INCA1: variants seen among roughly 807,000 people sequenced by gnomAD.
INCA1 encodes the protein inhibitor of CDK, cyclin A1 interacting protein 1, also known as protein INCA1.
A neutral mutation model predicts 25.7 loss-of-function variants in INCA1; 28 were observed. The ratio of observed to expected loss-of-function variants is 1.09; its 90% CI spans 0.81 to 1.49. The LOEUF (loss-of-function observed/expected upper bound fraction) is 1.49. INCA1 is among the 40% of genes most tolerant of loss of function. The pLI is 0.00. For synonymous variants in INCA1, 111 were observed against 103.6 expected, an observed-to-expected ratio of 1.07 and a Z score of -0.43; for missense variants, 309 against 290.9, an observed-to-expected ratio of 1.06 and a Z score of -0.45.
rs369673943 is a variant in INCA1, at chr17:4,988,438, G to A, written c.678C>T (p.Pro226=). The change falls in exon 7 of 7, where the codon CCC becomes CCT. Residue 226 remains proline, a synonymous_variant. Coordinates refer to ENST00000576820, the Ensembl canonical transcript of INCA1. Reference sequence around the variant, plus strand: ...CAGACGCTGCCAACTCCATCCCCCAGGGATTGTGAAGGGGGTTCCTTCTGG... The same window carrying A: ...CAGACGCTGCCAACTCCATCCCCCAAGGATTGTGAAGGGGGTTCCTTCTGG... 6 of 1,612,400 alleles carry A rather than the reference G, an allele frequency of 3.7e-6. No homozygotes were observed. The African/African-American group carries it at 4.0e-5, about 11-fold the overall frequency.
intron 1 of INCA1, among the ~76,000 whole-genome samples, chr17:4,995,452 T>C (rs1046604304): frequency 6.6e-6 from 1 of 151,942 alleles, no homozygotes; most frequent in Admixed American, 6.6e-5. Flanking sequence ...GTAAGAGAAG[T>C]GACAGAATTG....
chr17:4,996,654 A>ATG (rs1567714791), intron 1 of INCA1, among the ~76,000 whole-genome samples: 1 of 136,962 alleles, frequency 7.3e-6, no homozygotes, highest in Non-Finnish European at 1.6e-5. Context: ...GCAACAGAGC[A>ATG]AGACTCCGTC....
chr17:4,989,518 T>C, exon 5 of INCA1: 1 of 1,614,242 alleles, frequency 6.2e-7, no homozygotes, highest in Non-Finnish European at 8.5e-7. Flanking sequence ...GCCCTGCTGC[T>C]GCATTCCTTC....
intron 2 of INCA1, among the ~76,000 whole-genome samples, chr17:4,993,774 T>TA (rs1222310928): frequency 7.3e-6 from 1 of 137,890 alleles, no homozygotes. Context: ...GGCCTTTTTT[T>TA]TTTTTTTTTT....
chr17:4,988,382 C>T, exon 7 of INCA1: 1 of 1,578,966 alleles, frequency 6.3e-7, no homozygotes, highest in Non-Finnish European at 8.6e-7. Flanking sequence ...CACCACTAGC[C>T]TCTCGGCATC....
intron 5 of INCA1, 30 bp downstream of exon 5, chr17:4,989,398 T>C (rs1973664437): frequency 6.3e-7 from 1 of 1,592,074 alleles, no homozygotes; most frequent in Admixed American, 1.7e-5. Flanking sequence ...CCTGCATGAC[T>C]CCCAGAACCC....
exon 2 of INCA1, chr17:4,994,456 A>G: frequency 6.2e-7 from 1 of 1,612,778 alleles, no homozygotes; most frequent in Non-Finnish European, 8.5e-7. Flanking sequence ...GGGGCTGGGT[A>G]GTTAGTCTCC....
intron 4 of INCA1, 65 bp downstream of exon 4, chr17:4,989,825 G>A: frequency 6.2e-7 from 1 of 1,610,464 alleles, no homozygotes. Flanking sequence ...AGGAGAGCTT[G>A]GGACAGGACA....
At chr17:4,996,332 G>A (rs1974258559) in intron 1 of INCA1, among the ~76,000 whole-genome samples, 1 of 151,332 alleles carries the variant, frequency 6.6e-6, no homozygotes, top group Admixed American at 6.6e-5. Flanking sequence ...AGGTAAGATC[G>A]CACCACTGCA....
chr17:4,992,424 G>A (rs1973933625), intron 2 of INCA1, among the ~76,000 whole-genome samples: 1 of 151,366 alleles, frequency 6.6e-6, no homozygotes. Context: ...TGGGACTACA[G>A]GCGTGTGCCA....
intron 5 of INCA1, 84 bp downstream of exon 5, chr17:4,989,344 A>G: frequency 1.5e-6 from 2 of 1,330,192 alleles, no homozygotes; most frequent in Non-Finnish European, 2.1e-6. Context: ...CTCCCCTCAA[A>G]GCTGTCAACC....
chr17:4,989,372 T>G (rs1054359988), intron 5 of INCA1, 56 bp downstream of exon 5: 76 of 1,522,646 alleles, frequency 5.0e-5, no homozygotes, highest in Non-Finnish European at 6.3e-5. Context: ...TAGCTCAAAC[T>G]GTTCTGCCCC....
chr17:4,996,657 A>G (rs1974294281), intron 1 of INCA1, among the ~76,000 whole-genome samples: 1 of 124,574 alleles, frequency 8.0e-6, no homozygotes, highest in Non-Finnish European at 1.6e-5. Context: ...ACAGAGCAAG[A>G]CTCCGTCTCA....
intron 2 of INCA1, among the ~76,000 whole-genome samples, chr17:4,993,330 C>G (rs1180283991): frequency 1.3e-5 from 2 of 152,090 alleles, no homozygotes; most frequent in African/African-American, 4.8e-5. Flanking sequence ...CAGGCATGCG[C>G]CACCACACTT....
exon 7 of INCA1, chr17:4,988,224 C>T (rs1227015604): frequency 3.6e-6 from 2 of 562,496 alleles, no homozygotes; most frequent in Non-Finnish European, 6.0e-6. Flanking sequence ...CCTGTGAGAG[C>T]GGTGGGTTGA....
intron 1 of INCA1, among the ~76,000 whole-genome samples, chr17:4,996,391 A>G (rs1403880619): frequency 1.3e-5 from 2 of 151,242 alleles, no homozygotes; most frequent in African/African-American, 2.4e-5. Flanking sequence ...CTAAGAAGAA[A>G]AAAAAAAAAG....
intron 5 of INCA1, 115 bp downstream of exon 5, chr17:4,989,313 C>T: frequency 1.0e-6 from 1 of 956,124 alleles, no homozygotes; most frequent in South Asian, 1.6e-5. Context: ...AAGCAACCTC[C>T]CCTCAAAGCT....
chr17:4,996,687 A>AAAAAAAAAAT (rs1974302572), intron 1 of INCA1, among the ~76,000 whole-genome samples: 1 of 150,814 alleles, frequency 6.6e-6, no homozygotes. Flanking sequence ...AAAAAAAAAA[A>AAAAAAAAAAT]AAAAGAATAC....
chr17:4,991,118 A>G (rs1450125155), intron 2 of INCA1, among the ~76,000 whole-genome samples: 1 of 151,676 alleles, frequency 6.6e-6, no homozygotes, highest in Non-Finnish European at 1.5e-5. Flanking sequence ...GGGTTTTGCC[A>G]TGTTAGCCAG....
Sources: allele counts gnomAD v4.1 joint callset (sites outside exome capture counted in the v4.1 genomes callset), GRCh38; gene constraint gnomAD v4.1.1; transcripts MANE v1.5; gene names NCBI Gene and HGNC (gene_info 2026-07-23, HGNC 2026-07-21).